STX6: variants seen among roughly 807,000 people sequenced by gnomAD.
STX6 encodes the protein syntaxin-6.
STX6 carries 23 observed loss-of-function variants against 38.0 expected under a neutral mutation model. That is an observed-to-expected ratio of 0.60 (90% CI 0.43 to 0.86). The LOEUF is 0.86. Ranked by LOEUF, STX6 falls within the 40% of genes least tolerant of loss-of-function variation. The pLI is 0.00. For missense variants in STX6, 274 were observed against 312.9 expected, an observed-to-expected ratio of 0.88 and a Z score of 0.94; for synonymous variants, 123 against 107.5, an observed-to-expected ratio of 1.14 and a Z score of -0.89.
chr1:181,011,005 A>T (rs894498759), intron 1 of STX6, among the ~76,000 whole-genome samples: 8 of 152,204 alleles, frequency 5.3e-5, no homozygotes, highest in African/African-American at 1.9e-4. Context: ...CAAGAAGCAA[A>T]GCATGTCCTG....
At chr1:180,984,089 A>AAAAAAAAAAAC (rs141306282) in intron 7 of STX6, among the ~76,000 whole-genome samples, 6 of 97,016 alleles carry the variant, frequency 6.2e-5, no homozygotes, top group African/African-American at 1.3e-4. Context: ...AAAAAAAAAA[A>AAAAAAAAAAAC]ACACAACGAA....
At chr1:181,019,524 T>C (rs1656666002) in intron 1 of STX6, among the ~76,000 whole-genome samples, 1 of 152,102 alleles carries the variant, frequency 6.6e-6, no homozygotes, top group South Asian at 2.1e-4. Context: ...GCAGTGTGGG[T>C]GCATGTAGAG....
At chr1:181,011,984 C>T (rs1656415085) in intron 1 of STX6, among the ~76,000 whole-genome samples, 1 of 152,172 alleles carries the variant, frequency 6.6e-6, no homozygotes, top group Non-Finnish European at 1.5e-5. Flanking sequence ...TATCCCTTAT[C>T]TTTATGTCTG....
intron 3 of STX6, among the ~76,000 whole-genome samples, chr1:181,000,224 A>T (rs1185240547): frequency 6.6e-6 from 1 of 152,246 alleles, no homozygotes; most frequent in African/African-American, 2.4e-5. Context: ...AAAGGACAGT[A>T]AGATTTTGAA....
chr1:181,002,534 A>T (rs1456361768), intron 3 of STX6, 72 bp downstream of exon 3: 1 of 1,108,884 alleles, frequency 9.0e-7, no homozygotes, highest in African/African-American at 1.6e-5. Flanking sequence ...ATTAGTTTAC[A>T]ATTAAGGGAA....
chr1:181,009,158 C>T (rs1656322582), intron 1 of STX6, among the ~76,000 whole-genome samples: 1 of 151,936 alleles, frequency 6.6e-6, no homozygotes, highest in Non-Finnish European at 1.5e-5. Flanking sequence ...ACTCTCAAAA[C>T]TTAATAAGAA....
At chr1:181,018,706 T>G (rs1439257605) in intron 1 of STX6, among the ~76,000 whole-genome samples, 1 of 152,190 alleles carries the variant, frequency 6.6e-6, no homozygotes, top group African/African-American at 2.4e-5. Context: ...TTCCAAGCAC[T>G]AACCACTGCA....
chr1:181,015,573 T>G (rs1159441819), intron 1 of STX6, among the ~76,000 whole-genome samples: 1 of 151,780 alleles, frequency 6.6e-6, no homozygotes, highest in Admixed American at 6.6e-5. Flanking sequence ...CTCAGACATA[T>G]TGGCTGCTTG....
intron 3 of STX6, among the ~76,000 whole-genome samples, chr1:181,000,837 A>G (rs1656059142): frequency 6.6e-6 from 1 of 151,578 alleles, no homozygotes; most frequent in Admixed American, 6.6e-5. Flanking sequence ...CTTAAATATT[A>G]ACGTCTATAG....
intron 1 of STX6, among the ~76,000 whole-genome samples, chr1:181,008,727 G>T (rs6682079): frequency 0.024 from 2,601 of 108,106 alleles, 22 homozygotes; most frequent in African/African-American, 0.047. Context: ...TTCCAAAATT[G>T]TTTTTTTTTT....
intron 1 of STX6, among the ~76,000 whole-genome samples, chr1:181,018,693 A>G (rs1244005336): frequency 1.3e-5 from 2 of 152,152 alleles, no homozygotes; most frequent in Non-Finnish European, 2.9e-5. Context: ...AGGAGCTTCA[A>G]ACTTCCAAGC....
At chr1:180,991,290 T>C (rs868509277) in intron 4 of STX6, among the ~76,000 whole-genome samples, 15 of 152,210 alleles carry the variant, frequency 9.9e-5, no homozygotes, top group African/African-American at 2.7e-4. Flanking sequence ...GGATGGTGAC[T>C]GTCTCTGGTG....
Position 180,976,199 on chromosome 1 carries a change from GA to G in STX6, c.*370del. On this transcript the variant is annotated 3_prime_UTR_variant, in exon 8 of 8. Coordinates refer to ENST00000258301, the MANE Select transcript of STX6 (RefSeq NM_005819.6). Reference sequence around the variant, plus strand: ...AGCACGGGGAAGGGTCTGAGCAGAAGAAAAGAGCTGCCAAAGATGCATGGAA... The same window carrying G: ...AGCACGGGGAAGGGTCTGAGCAGAAGAAAGAGCTGCCAAAGATGCATGGAA... 4.1e-6 allele frequency: 1 copy of G among 245,662 alleles called. No homozygotes were observed. The allele number at this position is 245,662 out of a possible 1,614,324, so 15.2% of individuals were successfully genotyped here. A position where few individuals can be genotyped will look rare whatever the true frequency, so the allele number is the denominator to read the frequency against.
chr1:181,018,186 C>G (rs1218560079), intron 1 of STX6, among the ~76,000 whole-genome samples: 1 of 151,296 alleles, frequency 6.6e-6, no homozygotes, highest in African/African-American at 2.4e-5. Flanking sequence ...AAGTTCAAGA[C>G]CAGCCTGGCT....
rs576359258 is a variant in STX6 at position 180,990,059 on chromosome 1, A to C, written c.414T>G (p.Asp138Glu). 22 of 1,614,130 alleles carry C rather than the reference A, an allele frequency of 1.4e-5. No individual in the cohort carries two copies. The South Asian group carries it at 2.4e-4, about 18-fold the overall frequency. Residue 138 changes from aspartate (D) to glutamate (E), a missense_variant, in exon 5 of 8, where the codon GAT becomes GAG. Physicochemically the swap from Asp to Glu is conservative, Grantham distance 45 (BLOSUM62 2). Coordinates refer to ENST00000258301, the MANE Select transcript of STX6 (RefSeq NM_005819.6). Reference protein sequence around the residue: ...GSQNWSTGTTDKYGRLDRELQ... With the variant: ...GSQNWSTGTTEKYGRLDRELQ... ...GCTCTCGGTCCAGACGCCCATATTT[A>C]TCTGTTGTTCCAGTGCTCCAGTTCT...
intron 1 of STX6, among the ~76,000 whole-genome samples, chr1:181,016,395 T>A (rs1656556043): frequency 6.6e-6 from 1 of 152,210 alleles, no homozygotes; most frequent in African/African-American, 2.4e-5. Context: ...TGCAAAATCT[T>A]ACACAATATA....
chr1:181,009,227 G>A (rs1656325491), intron 1 of STX6, among the ~76,000 whole-genome samples: 1 of 152,058 alleles, frequency 6.6e-6, no homozygotes, highest in Admixed American at 6.5e-5. Flanking sequence ...AGCATGTTGG[G>A]AGGCCAAGGC....
At chr1:180,996,083 A>G (rs1655907506) in intron 3 of STX6, among the ~76,000 whole-genome samples, 1 of 152,218 alleles carries the variant, frequency 6.6e-6, no homozygotes, top group South Asian at 2.1e-4. Context: ...GTAAACTAGA[A>G]CAGCACTTTG....
At position 180,976,495 on chromosome 1, in the gene STX6, A is replaced by T; in HGVS notation, c.*75T>A. On this transcript the variant is annotated 3_prime_UTR_variant, in exon 8 of 8. Coordinates refer to ENST00000258301, the MANE Select transcript of STX6 (RefSeq NM_005819.6). ...AGGATAGGAATGTGAGTAGACGGCAATGTCACACGTGCTCAGCTTCTCCTC... is the reference window on the plus strand; with the variant it reads ...AGGATAGGAATGTGAGTAGACGGCATTGTCACACGTGCTCAGCTTCTCCTC... 6 of 1,285,546 alleles carry T rather than the reference A, an allele frequency of 4.7e-6. No homozygotes were observed. The highest frequency in any genetic ancestry group is 6.8e-6 in the Non-Finnish European group (6 of 884,450). The allele number at this position is 1,285,546 out of a possible 1,614,324, so 79.6% of individuals were successfully genotyped here.
Sources: gnomAD v4.1 joint callset for allele counts (sites outside exome capture counted in the v4.1 genomes callset) on GRCh38, gnomAD v4.1.1 for gene constraint, MANE v1.5 for transcripts, NCBI Gene and HGNC (gene_info 2026-07-23, HGNC 2026-07-21) for gene names.